Variants in SYNE2 observed in about 807,000 individuals in gnomAD.
SYNE2 encodes spectrin repeat containing nuclear envelope protein 2.
A neutral mutation model predicts 856.3 loss-of-function variants in SYNE2; 431 were observed. The observed-to-expected ratio is 0.50, with a 90% CI of 0.47 to 0.55. The LOEUF is 0.55. Among genes scored for constraint, SYNE2 ranks in the 20% least tolerant of loss-of-function variants. The pLI is 0.00. For missense variants in SYNE2, 8,129 were observed against 8,023.2 expected (o/e 1.01, Z -0.50); for synonymous variants, 2,923 against 2,872.3 (o/e 1.02, Z -0.56).
chr14:63,976,532 A>T, intron 11 of SYNE2, 31 bp from the exon 12 acceptor site: 2 of 1,563,316 alleles, frequency 1.3e-6, no homozygotes, highest in Non-Finnish European at 1.7e-6. Context: ...TCTACTGAAG[A>T]ATATGTTCTT....
In SYNE2 at chr14:63,980,671, A is replaced by G; in HGVS notation, c.1587A>G (p.Lys529=). Residue 529 remains lysine, a synonymous_variant, in exon 15 of 116, where the codon AAA becomes AAG. Transcript: ENST00000555002. ...LEDWHKFIEE[K]EFLARLDTSF... Reference sequence around the variant, plus strand: ...CTTCCCAGAAATTTATTGAAGAAAAAGAATTCCTAGCTCGACTTGATACTT... The same window carrying G: ...CTTCCCAGAAATTTATTGAAGAAAAGGAATTCCTAGCTCGACTTGATACTT... 1 of 1,601,638 alleles carries G rather than the reference A, an allele frequency of 6.2e-7. No homozygotes were observed. Among genetic ancestry groups the G allele is most frequent in the Non-Finnish European group, 8.6e-7 (1 of 1,169,208 alleles).
At chr14:64,171,969 G>C (rs11845311) in intron 94 of SYNE2, among the ~76,000 whole-genome samples, 2 of 152,166 alleles carry the variant, frequency 1.3e-5, no homozygotes, top group African/African-American at 2.4e-5. Context: ...TCGTGTCTCA[G>C]CCTCCCAAGT....
chr14:64,128,172 G>A lies in SYNE2; in HGVS notation c.13918-280G>A, dbSNP rs7159213. ...ATCTTTTAGAAATATATACTGAAAC[G>A]TATACTGATGAAATGACTTGAGACC... On this transcript the variant is annotated intron_variant, in intron 73 of 115. Coordinates refer to ENST00000555002, the MANE Select transcript of SYNE2 (RefSeq NM_182914.3). 0.25 allele frequency among the ~76,000 whole-genome samples: 38,651 copies of A among 152,018 alleles called. 7,766 individuals are homozygous for A. The highest frequency in any genetic ancestry group is 0.57 in the African/African-American group (23,475 of 41,414).
Position 63,993,841 on chromosome 14 carries a change from C to G in SYNE2, c.2653C>G (p.Leu885Val). Residue 885 changes from leucine (L) to valine (V), a missense_variant, in exon 22 of 116, where the codon CTA becomes GTA. Physicochemically the swap from Leu to Val is conservative, Grantham distance 32 (BLOSUM62 1). Around this residue, in one of 3 missense-constraint regions of SYNE2, gnomAD observed 2,422 missense variants for 2,357.4 expected, o/e 1.03. Coordinates refer to ENST00000555002, the MANE Select transcript of SYNE2 (RefSeq NM_182914.3). Reference protein sequence around the residue: ...GELISKHKEALIISNTKSLAK... With the variant: ...GELISKHKEAVIISNTKSLAK... ...CAATTTTTTTTTTTTTTAGGAAGCA[C>G]TAATAATTTCTAATACAAAAAGTCT... 3 of 1,596,316 alleles carry G rather than the reference C, an allele frequency of 1.9e-6. No individual in the cohort carries two copies. The highest frequency in any genetic ancestry group is 2.6e-6 in the Non-Finnish European group (3 of 1,171,524).
chr14:64,056,156 G>A lies in SYNE2; in HGVS notation c.9957G>A (p.Met3319Ile). The change falls in exon 49 of 116, where the codon ATG becomes ATA. Residue 3319 changes from methionine (M) to isoleucine (I), a missense_variant. Met to Ile is a conservative substitution (Grantham distance 10, BLOSUM62 1). Coordinates refer to ENST00000555002, the MANE Select transcript of SYNE2 (RefSeq NM_182914.3). ...AGGACCTCACTGAGAAACTGGGAAT[G>A]ATATCCAGCCCCGAAGCCAAACTAC... ...HIQDLTEKLG[M>I]ISSPEAKLQL... 1 of 1,614,142 alleles carries A rather than the reference G, an allele frequency of 6.2e-7. No individual in the cohort carries two copies. The highest frequency in any genetic ancestry group is 8.5e-7 in the Non-Finnish European group (1 of 1,180,012).
chr14:64,002,596 C>A, intron 29 of SYNE2, 124 bp from the exon 30 acceptor site: 1 of 1,082,536 alleles, frequency 9.2e-7, no homozygotes, highest in South Asian at 1.7e-5. Context: ...AAACTGTCAC[C>A]TTTTGTTAAA....
chr14:63,835,082 G>A (rs1316776128), intron 1 of SYNE2, among the ~76,000 whole-genome samples: 2 of 152,002 alleles, frequency 1.3e-5, no homozygotes, highest in Non-Finnish European at 2.9e-5. Context: ...TCTATTGACG[G>A]CATATTATGT....
intron 100 of SYNE2, among the ~76,000 whole-genome samples, chr14:64,203,834 G>A (rs1019962380): frequency 1.3e-5 from 2 of 152,290 alleles, no homozygotes; most frequent in South Asian, 2.1e-4. Context: ...GGTGCTTGGA[G>A]ACCGGATTGG....
chr14:63,788,459 G>A (rs1252135176), intron 1 of SYNE2, among the ~76,000 whole-genome samples: 1 of 152,262 alleles, frequency 6.6e-6, no homozygotes, highest in African/African-American at 2.4e-5. Context: ...GCAGGGCAGG[G>A]ATCCTGCCTG....
rs897349322 is a variant in SYNE2 at position 64,167,646 on chromosome 14, C to G, written c.16905+7C>G. The G allele has an allele frequency of 1.9e-6, 3 of 1,614,168 alleles. No individual in the cohort carries two copies. Among genetic ancestry groups the G allele is most frequent in the Non-Finnish European group, 2.5e-6 (3 of 1,180,012 alleles). The stretch of plus-strand genomic sequence containing the variant: ...GCAGCAGAAAACCTATAAGGTAAAC[C>G]TGTGTTCTCTGCCACCCTTGAACCG... On this transcript the variant is annotated splice_region_variant and intron_variant, in intron 92 of 115. Coordinates refer to ENST00000555002, the MANE Select transcript of SYNE2 (RefSeq NM_182914.3).
chr14:63,835,568 TGTGTG>T (rs1194115832), intron 1 of SYNE2, among the ~76,000 whole-genome samples: 7 of 20,620 alleles, frequency 3.4e-4, no homozygotes, highest in African/African-American at 7.3e-4. Flanking sequence ...GATATTTGCG[TGTGTG>T]TGTGTGTGTG....
intron 7 of SYNE2, among the ~76,000 whole-genome samples, chr14:63,954,221 C>G (rs2096210399): frequency 6.6e-6 from 1 of 152,132 alleles, no homozygotes; most frequent in African/African-American, 2.4e-5. Context: ...CCATTAATTA[C>G]ACACAATGTA....
At chr14:63,912,039 G>A (rs986127952) in intron 2 of SYNE2, among the ~76,000 whole-genome samples, 3 of 152,198 alleles carry the variant, frequency 2.0e-5, no homozygotes, top group African/African-American at 4.8e-5. Context: ...CTGTCTTAGG[G>A]GGACTGGTAG....
At chr14:64,203,603 C>T (rs2098589678) in intron 100 of SYNE2, among the ~76,000 whole-genome samples, 1 of 152,182 alleles carries the variant, frequency 6.6e-6, no homozygotes, top group African/African-American at 2.4e-5. Flanking sequence ...TCCTGCCTTC[C>T]CTGGTCTCAT....
intron 2 of SYNE2, among the ~76,000 whole-genome samples, chr14:63,934,828 G>T (rs1227826351): frequency 6.6e-6 from 1 of 152,098 alleles, no homozygotes; most frequent in African/African-American, 2.4e-5. Flanking sequence ...AAGGAAGAGA[G>T]TAATCTTTGT....
intron 65 of SYNE2, among the ~76,000 whole-genome samples, chr14:64,112,159 A>G (rs1326058857): frequency 6.6e-6 from 1 of 152,200 alleles, no homozygotes; most frequent in Non-Finnish European, 1.5e-5. Flanking sequence ...GCTCTTTTAC[A>G]CTGAAAGTTC....
In SYNE2 at chr14:63,876,131, G is replaced by A. The variant is rs150853411; in HGVS notation, c.-52+22988G>A. ...CTAGTTGTTTAAAACTTATTTAATC[G>A]GCTGGACGTGGTGGCTCACACTTGT... is the stretch of plus-strand genomic sequence containing the variant. On this transcript the variant is annotated intron_variant, in intron 1 of 115. Coordinates refer to ENST00000555002, the MANE Select transcript of SYNE2 (RefSeq NM_182914.3). 5.6e-4 allele frequency among the ~76,000 whole-genome samples: 85 copies of A among 152,028 alleles called. 1 individual carries two copies. In the East Asian group the frequency reaches 0.015, roughly 28 times the overall value.
chr14:63,940,890 G>A (rs1423484045), intron 3 of SYNE2, among the ~76,000 whole-genome samples: 1 of 152,162 alleles, frequency 6.6e-6, no homozygotes, highest in Non-Finnish European at 1.5e-5. Context: ...AGGGACTTTT[G>A]TTGAGGATAT....
chr14:64,021,647 A>G, intron 36 of SYNE2, 132 bp downstream of exon 36: 1 of 1,224,730 alleles, frequency 8.2e-7, no homozygotes, highest in Non-Finnish European at 1.2e-6. Flanking sequence ...CCGCTTTTGT[A>G]TATTTAGCAT....
Sources: gnomAD v4.1 joint callset for allele counts (sites outside exome capture counted in the v4.1 genomes callset) on GRCh38, gnomAD v4.1.1 for gene constraint, gnomAD v4.1.1 regional missense constraint, MANE v1.5 for transcripts, NCBI Gene and HGNC (gene_info 2026-07-23, HGNC 2026-07-21) for gene names.